The following MTUS2 variants were observed in gnomAD, a reference collection of about 807,000 sequenced individuals.
The protein encoded by MTUS2 is microtubule-associated tumor suppressor candidate 2.
A neutral mutation model predicts 114.1 loss-of-function variants in MTUS2; 40 were observed. The observed-to-expected ratio is 0.35, with a 90% CI of 0.27 to 0.46. The LOEUF is 0.46. MTUS2 is among the 20% of genes least tolerant of loss of function. The pLI, the probability that MTUS2 is intolerant of heterozygous loss-of-function variation, is 1.00. For missense variants in MTUS2, 1,679 were observed against 1,705.4 expected, an observed-to-expected ratio of 0.98 and a Z score of 0.27; for synonymous variants, 688 against 672.0, an observed-to-expected ratio of 1.02 and a Z score of -0.37.
chr13:28,943,431 A>G (rs1882351328), intron 2 of MTUS2, among the ~76,000 whole-genome samples: 1 of 152,232 alleles, frequency 6.6e-6, no homozygotes, highest in Admixed American at 6.5e-5. Flanking sequence ...ATGAAAATTA[A>G]ACAGTTCAGT....
At chr13:28,966,973 A>G (rs1883624635) in intron 2 of MTUS2, among the ~76,000 whole-genome samples, 1 of 152,186 alleles carries the variant, frequency 6.6e-6, no homozygotes, top group African/African-American at 2.4e-5. Flanking sequence ...AGTGTGGTAA[A>G]TGTGAGTATA....
intron 5 of MTUS2, among the ~76,000 whole-genome samples, chr13:29,266,834 C>T (rs1897685085): frequency 6.6e-6 from 1 of 152,144 alleles, no homozygotes; most frequent in Admixed American, 6.6e-5. Flanking sequence ...CAAGCACAGC[C>T]TTGTATGAAG....
At chr13:29,497,535 T>C (rs1882632364) in intron 13 of MTUS2, 199 bp downstream of exon 13, 4 of 592,146 alleles carry the variant, frequency 6.8e-6, no homozygotes, top group Non-Finnish European at 1.2e-5. Context: ...AGCTGTGGGT[T>C]TCTCCAGCTA....
rs757635720 is a variant in MTUS2, at chr13:29,480,148, A to G, written c.3185-2A>G. The stretch of plus-strand genomic sequence containing the variant: ...AAGAAAGATCTTGTGCTTTGCGCCC[A>G]GCCTTCCATACAGCAAAGTGCGAGA... On this transcript the variant is annotated splice_acceptor_variant, in intron 9 of 15. Transcript: ENST00000612955. LOFTEE classifies it high-confidence loss of function. The surrounding 1 kb of genome is among the most constrained non-coding windows in gnomAD (Gnocchi z 4.4). The G allele has an allele frequency of 6.4e-7, 1 of 1,552,434 alleles. No individual in the cohort carries two copies. Among genetic ancestry groups the G allele is most frequent in the South Asian group, 1.2e-5 (1 of 84,052 alleles).
chr13:29,491,997 G>A (rs530155317), intron 11 of MTUS2, among the ~76,000 whole-genome samples: 191 of 131,698 alleles, frequency 1.5e-3, no homozygotes, highest in African/African-American at 5.5e-3. Flanking sequence ...GTGGTGTATG[G>A]TGTGTATGTG....
chr13:29,256,188 G>A (rs1897278541), intron 5 of MTUS2, among the ~76,000 whole-genome samples: 1 of 152,224 alleles, frequency 6.6e-6, no homozygotes, highest in African/African-American at 2.4e-5. Context: ...AGGAATCCCA[G>A]CTGTGTTGTC....
At chr13:29,330,890 T>G (rs906827074) in intron 7 of MTUS2, among the ~76,000 whole-genome samples, 1 of 152,234 alleles carries the variant, frequency 6.6e-6, no homozygotes, top group African/African-American at 2.4e-5. Flanking sequence ...CTTTGTTCTT[T>G]TTGATTAGGA....
chr13:29,311,730 A>G (rs1012036204), intron 6 of MTUS2, among the ~76,000 whole-genome samples: 1 of 152,166 alleles, frequency 6.6e-6, no homozygotes, highest in East Asian at 1.9e-4. Flanking sequence ...TTTGTTTATT[A>G]GTCATTGTTT....
intron 8 of MTUS2, among the ~76,000 whole-genome samples, chr13:29,426,176 C>T (rs1297531562): frequency 1.3e-5 from 2 of 152,174 alleles, no homozygotes; most frequent in African/African-American, 4.8e-5. Flanking sequence ...CGGATAAATG[C>T]AAGCTACCAC....
intron 5 of MTUS2, among the ~76,000 whole-genome samples, chr13:29,166,349 C>A (rs866405964): frequency 6.6e-6 from 1 of 152,090 alleles, no homozygotes; most frequent in Non-Finnish European, 1.5e-5. Context: ...AGATATGAAC[C>A]CTCTGACCAA....
Position 29,025,754 on chromosome 13 carries a change from A to G in MTUS2, c.1056A>G (p.Ala352=), listed in dbSNP as rs1593394365. Residue 352 remains alanine, a synonymous_variant, in exon 3 of 16, where the codon GCA becomes GCG. Coordinates refer to ENST00000612955, the MANE Select transcript of MTUS2 (RefSeq NM_001033602.4). Reference sequence around the variant, plus strand: ...AGGGAAGGGATCCATGTGGGGAAGCACACCCGGAAGCCACCGATGCACTTG... The same window carrying G: ...AGGGAAGGGATCCATGTGGGGAAGCGCACCCGGAAGCCACCGATGCACTTG... ...ALEGRDPCGE[A]HPEATDALGH... The G allele has an allele frequency of 2.5e-6, 4 of 1,613,974 alleles. No homozygotes were observed. In the Admixed American group the frequency reaches 6.7e-5, roughly 27 times the overall value.
At chr13:29,411,731 C>CT (rs1258209077) in intron 8 of MTUS2, among the ~76,000 whole-genome samples, 1 of 152,210 alleles carries the variant, frequency 6.6e-6, no homozygotes, top group Non-Finnish European at 1.5e-5. Flanking sequence ...ATTCATTTGT[C>CT]TAAGTCTACT....
intron 2 of MTUS2, among the ~76,000 whole-genome samples, chr13:28,927,661 G>C (rs753829520): frequency 6.6e-6 from 1 of 152,166 alleles, no homozygotes; most frequent in African/African-American, 2.4e-5. Context: ...TCAGTTCTAA[G>C]TAGAGATAAA....
chr13:28,945,405 A>G (rs1005125259), intron 2 of MTUS2, among the ~76,000 whole-genome samples: 3 of 152,270 alleles, frequency 2.0e-5, no homozygotes, highest in Admixed American at 6.5e-5. Flanking sequence ...AGAAATCTCC[A>G]TACTGTTTTC....
At position 29,286,306 on chromosome 13, in the gene MTUS2, A is replaced by G. The variant is rs528215253; in HGVS notation, c.2806+4441A>G. Among the ~76,000 whole-genome samples the G allele has an allele frequency of 2.6e-5, 4 of 152,344 alleles. No individual in the cohort carries two copies. The East Asian group carries it at 7.7e-4, about 29-fold the overall frequency. ...TGTTTTAGAAATTCACATATATGAA[A>G]TGCTATCTGGTATTTCCTTCAAAAT... On this transcript the variant is annotated intron_variant, in intron 6 of 15. Transcript: ENST00000612955.
At chr13:29,389,408 C>A (rs1215542531) in intron 8 of MTUS2, among the ~76,000 whole-genome samples, 1 of 82,224 alleles carries the variant, frequency 1.2e-5, no homozygotes, top group Non-Finnish European at 2.3e-5. Context: ...TATATGTATA[C>A]ACGTGTGTGT....
rs186738322 is a variant in MTUS2 at position 29,326,911 on chromosome 13, C to T, written c.2905+2200C>T. On this transcript the variant is annotated intron_variant, in intron 7 of 15. Transcript: ENST00000612955. ...AGGAGTATCATTTGAACCTGGGAGGCAGAGGTTGCAGTGAGCCAAGGTCAC... is the reference window on the plus strand; with the variant it reads ...AGGAGTATCATTTGAACCTGGGAGGTAGAGGTTGCAGTGAGCCAAGGTCAC... Among the ~76,000 whole-genome samples the T allele has an allele frequency of 4.6e-3, 703 of 152,202 alleles. 6 individuals carry two copies. Among genetic ancestry groups the T allele is most frequent in the African/African-American group, 0.016 (657 of 41,514 alleles).
chr13:29,088,075 A>G (rs1272470613), intron 4 of MTUS2, among the ~76,000 whole-genome samples: 6 of 151,126 alleles, frequency 4.0e-5, no homozygotes, highest in Admixed American at 2.6e-4. Context: ...AAAAAAAAAA[A>G]AAAAAAAGAA....
intron 2 of MTUS2, among the ~76,000 whole-genome samples, chr13:28,905,370 A>G (rs1291846008): frequency 6.6e-6 from 1 of 151,620 alleles, no homozygotes; most frequent in Non-Finnish European, 1.5e-5. Context: ...TTGTCCATTC[A>G]GTATGATATT....
Sources: gnomAD v4.1 joint callset for allele counts (sites outside exome capture counted in the v4.1 genomes callset) on GRCh38, gnomAD v4.1.1 for gene constraint, Gnocchi (gnomAD v3.1) non-coding constraint, MANE v1.5 for transcripts, NCBI Gene and HGNC (gene_info 2026-07-23, HGNC 2026-07-21) for gene names.